ITIH5: variants seen among roughly 807,000 people sequenced by gnomAD.
ITIH5 encodes the protein inter-alpha-trypsin inhibitor heavy chain 5.
A neutral mutation model predicts 77.5 loss-of-function variants in ITIH5; 65 were observed. The ratio of observed to expected loss-of-function variants is 0.84; its 90% confidence interval spans 0.69 to 1.03. ITIH5 has a LOEUF of 1.03. ITIH5 is among the 50% of genes least tolerant of loss of function. The pLI is 0.00. For missense variants in ITIH5, 1,208 were observed against 1,213.1 expected, an observed-to-expected ratio of 1.00 and a Z score of 0.06; for synonymous variants, 525 against 494.3, an observed-to-expected ratio of 1.06 and a Z score of -0.82.
chr10:7,608,339 GC>G (rs1833173751), intron 7 of ITIH5, among the ~76,000 whole-genome samples: 2 of 152,324 alleles, frequency 1.3e-5, no homozygotes, highest in South Asian at 4.1e-4. Flanking sequence ...GAGTGCAATG[GC>G]GCCATCATAG....
Position 7,566,274 on chromosome 10 carries a change from G to A in ITIH5, c.2283C>T (p.Ser761=). The change falls in exon 13 of 14, where the codon AGC becomes AGT. Residue 761 remains serine, a synonymous_variant. Transcript: ENST00000397146. Reference sequence around the variant, plus strand: ...TGTCCCCACCATCCAAGATGACTCTGCTCGGTGTGATCTCGAGATAAGATC... The same window carrying A: ...TGTCCCCACCATCCAAGATGACTCTACTCGGTGTGATCTCGAGATAAGATC... ...PERSYLEITP[S]RVILDGGDRL... 1 of 1,613,512 alleles carries A rather than the reference G, an allele frequency of 6.2e-7. No individual in the cohort carries two copies. Among genetic ancestry groups the A allele is most frequent in the Non-Finnish European group, 8.5e-7 (1 of 1,179,784 alleles).
chr10:7,615,659 TG>T (rs2131033844), intron 7 of ITIH5, among the ~76,000 whole-genome samples: 1 of 152,350 alleles, frequency 6.6e-6, no homozygotes, highest in Non-Finnish European at 1.5e-5. Flanking sequence ...GAATCATCGC[TG>T]AACAGAATTA....
intron 7 of ITIH5, among the ~76,000 whole-genome samples, chr10:7,608,335 A>G (rs142207402): frequency 0.012 from 1,873 of 152,282 alleles, 38 homozygotes; most frequent in African/African-American, 0.043. Flanking sequence ...GCTGGAGTGC[A>G]ATGGCGCCAT....
chr10:7,604,481 G>A (rs968737504), intron 7 of ITIH5, among the ~76,000 whole-genome samples: 9 of 152,144 alleles, frequency 5.9e-5, no homozygotes, highest in Non-Finnish European at 7.3e-5. Flanking sequence ...TTCCTTCTCC[G>A]TCCTCTTTTC....
In ITIH5 at chr10:7,559,563, G is replaced by A. The variant is rs774963134; in HGVS notation, c.*3520C>T. ...TCCTTTAAATTTTAATAACAGCATT[G>A]TTTGTGTACATTCTGGGAAGCTTAA... On this transcript the variant is annotated 3_prime_UTR_variant, in exon 14 of 14. Transcript: ENST00000397146. 4.1e-5 allele frequency: 9 copies of A among 221,166 alleles called. No individual in the cohort carries two copies. Among genetic ancestry groups the A allele is most frequent in the Non-Finnish European group, 8.1e-5 (9 of 111,750 alleles). The allele number at this position is 221,166 out of a possible 1,614,324, so 13.7% of individuals were successfully genotyped here.
intron 5 of ITIH5, among the ~76,000 whole-genome samples, chr10:7,631,943 C>T (rs533183962): frequency 6.7e-6 from 1 of 149,572 alleles, no homozygotes; most frequent in East Asian, 2.0e-4. Context: ...TGGGCCACCA[C>T]GCCTAGCTAA....
chr10:7,602,727 C>T (rs967209623), intron 7 of ITIH5, among the ~76,000 whole-genome samples: 1 of 152,114 alleles, frequency 6.6e-6, no homozygotes, highest in South Asian at 2.1e-4. Flanking sequence ...TATAATATTT[C>T]TCTCTCAAAT....
At chr10:7,573,960 C>T (rs1019007475) in intron 10 of ITIH5, among the ~76,000 whole-genome samples, 1 of 152,112 alleles carries the variant, frequency 6.6e-6, no homozygotes, top group African/African-American at 2.4e-5. Context: ...ACATCGCTTA[C>T]CAGCATTGAA....
chr10:7,642,044 A>G lies in ITIH5; in HGVS notation c.182T>C (p.Ile61Thr). 1 of 1,614,110 alleles carries G rather than the reference A, an allele frequency of 6.2e-7. No individual in the cohort carries two copies. The highest frequency in any genetic ancestry group is 8.5e-7 in the Non-Finnish European group (1 of 1,179,946). ...MTEFSVKSTI[I>T]SRYAFTTVSC... The stretch of plus-strand genomic sequence containing the variant: ...AACCGTAGTGAAGGCATAACGGGAA[A>G]TGATGGTAGACTTCACTGAGAATTC... The change falls in exon 3 of 14, where the codon ATT becomes ACT. Residue 61 changes from isoleucine (I) to threonine (T), a missense_variant. By Grantham distance (89) the Ile-to-Thr change is moderately conservative (BLOSUM62 -1). Coordinates refer to ENST00000397146, the MANE Select transcript of ITIH5 (RefSeq NM_030569.7).
At chr10:7,610,083 T>C (rs1833213683) in intron 7 of ITIH5, among the ~76,000 whole-genome samples, 1 of 148,690 alleles carries the variant, frequency 6.7e-6, no homozygotes, top group Non-Finnish European at 1.5e-5. Flanking sequence ...TTTTTTTTTT[T>C]TTTTGGCTCT....
At chr10:7,564,504 C>T (rs767611160) in intron 13 of ITIH5, among the ~76,000 whole-genome samples, 25 of 152,046 alleles carry the variant, frequency 1.6e-4, no homozygotes, top group Non-Finnish European at 3.1e-4. Context: ...TACTTATCAT[C>T]GTGTTGCAAT....
intron 7 of ITIH5, among the ~76,000 whole-genome samples, chr10:7,614,683 T>C (rs1463552924): frequency 6.6e-6 from 1 of 152,018 alleles, no homozygotes; most frequent in Non-Finnish European, 1.5e-5. Context: ...CCAGATGCCA[T>C]GAAAAACCAG....
intron 5 of ITIH5, among the ~76,000 whole-genome samples, chr10:7,633,047 A>G (rs1299633141): frequency 6.6e-6 from 1 of 152,224 alleles, no homozygotes; most frequent in East Asian, 1.9e-4. Context: ...AATACCAATG[A>G]GAATATACCT....
chr10:7,606,585 A>C (rs529623808), intron 7 of ITIH5, among the ~76,000 whole-genome samples: 1 of 152,312 alleles, frequency 6.6e-6, no homozygotes, highest in African/African-American at 2.4e-5. Context: ...GTGAACAGAC[A>C]CTGGGGCCTC....
At position 7,559,847 on chromosome 10, in the gene ITIH5, T is replaced by G. The variant is rs774735406; in HGVS notation, c.*3236A>C. The G allele has an allele frequency of 8.2e-5, 37 of 449,606 alleles. No homozygotes were observed. The highest frequency in any genetic ancestry group is 1.2e-4 in the South Asian group (8 of 64,032). The allele number at this position is 449,606 out of a possible 1,614,324, so 27.9% of individuals were successfully genotyped here. A position where few individuals can be genotyped will look rare whatever the true frequency, so the allele number is the denominator to read the frequency against. On this transcript the variant is annotated 3_prime_UTR_variant, in exon 14 of 14. Transcript: ENST00000397146. ...AAAACACCATCTCTCCCATGTCTTT[T>G]TTTTGTTTTGTTTTGTTTTTTTTTG...
At chr10:7,616,482 C>T (rs1025579784) in intron 6 of ITIH5, among the ~76,000 whole-genome samples, 1 of 152,148 alleles carries the variant, frequency 6.6e-6, no homozygotes, top group Non-Finnish European at 1.5e-5. Flanking sequence ...TATCCCCACC[C>T]TGTCTCTGGA....
intron 13 of ITIH5, 88 bp from the exon 14 acceptor site, chr10:7,563,472 G>A: frequency 8.1e-7 from 1 of 1,229,218 alleles, no homozygotes; most frequent in Non-Finnish European, 1.1e-6. Context: ...GTGGCAGAAA[G>A]GCTTACAACT....
At chr10:7,663,914 T>A (rs1564286182) in intron 1 of ITIH5, among the ~76,000 whole-genome samples, 1 of 152,202 alleles carries the variant, frequency 6.6e-6, no homozygotes, top group Non-Finnish European at 1.5e-5. Flanking sequence ...TTACAGATAC[T>A]CAATAACTGG....
At chr10:7,635,287 T>G (rs558871804) in intron 5 of ITIH5, among the ~76,000 whole-genome samples, 24 of 152,346 alleles carry the variant, frequency 1.6e-4, no homozygotes, top group African/African-American at 5.3e-4. Context: ...TAAGCTCTCA[T>G]TCTGCGGCCA....
Sources: gnomAD v4.1 joint callset for allele counts (sites outside exome capture counted in the v4.1 genomes callset) on GRCh38, gnomAD v4.1.1 for gene constraint, MANE v1.5 for transcripts, NCBI Gene and HGNC (gene_info 2026-07-23, HGNC 2026-07-21) for gene names.